Variants in ABCA7 observed in about 807,000 individuals in gnomAD.
ABCA7 encodes ATP binding cassette subfamily A member 7.
Under a neutral mutation model 227.6 loss-of-function variants are expected in ABCA7, and 261 were observed. That is an observed-to-expected ratio of 1.15 (90% CI 1.04 to 1.27). The LOEUF is 1.27. Ranked by LOEUF, ABCA7 falls within the 50% of genes most tolerant of loss-of-function variation. The probability of loss-of-function intolerance (pLI) is 0.00; values close to 1 mark genes in which losing one functional copy is unlikely to be tolerated. For missense variants in ABCA7, 3,331 were observed against 2,924.5 expected (o/e 1.14, Z -3.21); for synonymous variants, 1,488 against 1,279.7 (o/e 1.16, Z -3.47).
intron 30 of ABCA7, 123 bp downstream of exon 30, chr19:1,055,474 G>A: frequency 8.5e-7 from 1 of 1,183,080 alleles, no homozygotes; most frequent in Non-Finnish European, 1.1e-6. Flanking sequence ...CTACGGGCTG[G>A]GAGTCTCGCG....
chr19:1,044,093 C>T (rs1025956293), intron 10 of ABCA7, among the ~76,000 whole-genome samples: 4 of 150,480 alleles, frequency 2.7e-5, no homozygotes, highest in Admixed American at 6.6e-5. Context: ...CCCACCACCA[C>T]GCCCGGATGA....
Position 1,054,743 on chromosome 19 carries a change from G to C in ABCA7, c.3852-37G>C. The C allele has an allele frequency of 6.2e-7, 1 of 1,606,906 alleles. No individual in the cohort carries two copies. Among genetic ancestry groups the C allele is most frequent in the Non-Finnish European group, 8.5e-7 (1 of 1,175,146 alleles). On this transcript the variant is annotated intron_variant, in intron 28 of 46. Transcript: ENST00000263094. This position sits in a 1 kb window ranked among gnomAD's most constrained non-coding sequence, Gnocchi z 4.8. ...GTGGCAGGAAGACTAGGGACCTGGG[G>C]GTACAGCCCTGACCCTACATCTCCC...
chr19:1,064,909 G>A (rs1471213965), intron 45 of ABCA7, 22 bp from the exon 46 acceptor site: 3 of 1,554,824 alleles, frequency 1.9e-6, no homozygotes, highest in Admixed American at 1.9e-5. Flanking sequence ...CGATCCGGTA[G>A]CCCTGGCCCC....
Position 1,053,311 on chromosome 19 carries a change from A to G in ABCA7, c.3221-18A>G, listed in dbSNP as rs1568352072. 2 of 1,601,768 alleles carry G rather than the reference A, an allele frequency of 1.2e-6. No homozygotes were observed. The highest frequency in any genetic ancestry group is 3.4e-5 in the Admixed American group (2 of 59,652). ...GGCGTGAGCCGGGGCTCCCTGAAGCACCCCTTTGTCCACACAGGCACTCCT... is the reference window on the plus strand; with the variant it reads ...GGCGTGAGCCGGGGCTCCCTGAAGCGCCCCTTTGTCCACACAGGCACTCCT... On this transcript the variant is annotated intron_variant, in intron 23 of 46. Transcript: ENST00000263094.
intron 40 of ABCA7, chr19:1,059,335 GCT>G (rs2144931482): frequency 6.1e-6 from 1 of 163,370 alleles, no homozygotes; most frequent in Admixed American, 6.5e-5. Flanking sequence ...TGGGATCTCA[GCT>G]CACTGCAAGC....
intron 14 of ABCA7, 35 bp from the exon 15 acceptor site, chr19:1,047,122 G>T: frequency 6.3e-7 from 1 of 1,577,444 alleles, no homozygotes; most frequent in South Asian, 1.1e-5. Context: ...GGCCAATCCA[G>T]GAGCTGCACC....
intron 29 of ABCA7, 61 bp from the exon 30 acceptor site, chr19:1,055,036 C>A: frequency 1.3e-6 from 2 of 1,544,634 alleles, no homozygotes; most frequent in Non-Finnish European, 1.8e-6. Context: ...AAGCTGGGTG[C>A]CCACAGACCT....
rs1273705474 is a variant in ABCA7 at position 1,056,616 on chromosome 19, G to C, written c.4586+117G>C. The C allele has an allele frequency of 1.5e-6, 2 of 1,328,010 alleles. No individual in the cohort carries two copies. Among genetic ancestry groups the C allele is most frequent in the African/African-American group, 2.9e-5 (2 of 68,234 alleles). The allele number at this position is 1,328,010 out of a possible 1,614,324, so 82.3% of individuals were successfully genotyped here. A position where few individuals can be genotyped will look rare whatever the true frequency, so the allele number is the denominator to read the frequency against. The stretch of plus-strand genomic sequence containing the variant: ...CCTGACACACTCTTGCTTTATAAAT[G>C]GGGGATAGAAACTGTTCCTCTGCTC... On this transcript the variant is annotated intron_variant, in intron 33 of 46. Coordinates refer to ENST00000263094, the MANE Select transcript of ABCA7 (RefSeq NM_019112.4). This position sits in a 1 kb window ranked among gnomAD's most constrained non-coding sequence, Gnocchi z 4.3.
intron 12 of ABCA7, 109 bp downstream of exon 12, chr19:1,045,340 G>C: frequency 8.9e-7 from 1 of 1,129,456 alleles, no homozygotes. Context: ...GACAGGATCT[G>C]GGCTGTATCA....
intron 19 of ABCA7, 49 bp from the exon 20 acceptor site, chr19:1,051,106 G>T (rs370145288): frequency 5.0e-6 from 8 of 1,611,204 alleles, no homozygotes; most frequent in Middle Eastern, 1.6e-4. Context: ...GACGCCCTCT[G>T]GGACTCTGCC....
chr19:1,044,534 AC>A, intron 10 of ABCA7, 42 bp from the exon 11 acceptor site: 1 of 1,585,446 alleles, frequency 6.3e-7, no homozygotes, highest in Non-Finnish European at 8.6e-7. Context: ...GGCATGAGCC[AC>A]TGTGCCCGAC....
intron 40 of ABCA7, among the ~76,000 whole-genome samples, chr19:1,059,480 T>C (rs1285273576): frequency 1.3e-5 from 2 of 151,216 alleles, no homozygotes; most frequent in African/African-American, 2.4e-5. Flanking sequence ...TTAGCCAGGA[T>C]GGTCTCCATC....
At chr19:1,053,877 T>G in intron 25 of ABCA7, 41 bp downstream of exon 25, 1 of 1,599,232 alleles carries the variant, frequency 6.3e-7, no homozygotes, top group Non-Finnish European at 8.5e-7. Context: ...CAGTCCAGAG[T>G]GGGACCAGAG....
intron 23 of ABCA7, 46 bp downstream of exon 23, chr19:1,052,332 G>C: frequency 6.6e-7 from 1 of 1,511,486 alleles, no homozygotes; most frequent in Non-Finnish European, 8.8e-7. Context: ...CAGTGGGGTG[G>C]CTGTGCCTTA....
chr19:1,051,474 G>A lies in ABCA7; in HGVS notation c.2850G>A (p.Val950=). 1 of 1,586,488 alleles carries A rather than the reference G, an allele frequency of 6.3e-7. No individual in the cohort carries two copies. The highest frequency in any genetic ancestry group is 8.6e-7 in the Non-Finnish European group (1 of 1,164,658). Residue 950 remains valine, a synonymous_variant, in exon 21 of 47, where the codon GTG becomes GTA. Transcript: ENST00000263094. ...GTGGGATGCAACGGAAGCTGTCCGT[G>A]GCCATTGCCTTTGTGGGCGGCTCCC... The part of the protein sequence containing the change: ...LSGGMQRKLS[V]AIAFVGGSQV...
chr19:1,043,518 C>A (rs1249527202), intron 9 of ABCA7, 45 bp downstream of exon 9: 5 of 1,612,414 alleles, frequency 3.1e-6, no homozygotes, highest in Admixed American at 3.3e-5. Context: ...GTGGCCAGAG[C>A]CCATCCAGTA....
intron 42 of ABCA7, among the ~76,000 whole-genome samples, chr19:1,063,259 GC>G (rs1393404430): frequency 1.4e-5 from 1 of 71,632 alleles, no homozygotes; most frequent in African/African-American, 5.7e-5. Flanking sequence ...CCATGGCCCC[GC>G]CCCATACTCA....
rs367970821 is a variant in ABCA7 at position 1,057,104 on chromosome 19, G to A, written c.4764+20G>A. 1.2e-4 allele frequency: 191 copies of A among 1,603,586 alleles called. No homozygotes were observed. Among genetic ancestry groups the A allele is most frequent in the Middle Eastern group, 1.7e-4 (1 of 5,996 alleles). On this transcript the variant is annotated intron_variant, in intron 34 of 46. Transcript: ENST00000263094. ...GACATGGTGCGGGGGCTGCTTGGAC[G>A]GGTGGGGGCCCAGCCACTGCTTGCC...
Position 1,051,979 on chromosome 19 carries a change from G to A in ABCA7, c.3000G>A (p.Glu1000=), listed in dbSNP as rs1459585748. ...TCCTCTCCACCCACCACCTGGATGA[G>A]GCAGAGCTGCTGGGAGACCGTGTGG... ...TLILSTHHLD[E]AELLGDRVAV... The change falls in exon 22 of 47, where the codon GAG becomes GAA. Residue 1000 remains glutamate, a synonymous_variant. Coordinates refer to ENST00000263094, the MANE Select transcript of ABCA7 (RefSeq NM_019112.4). The A allele has an allele frequency of 3.1e-6, 5 of 1,612,160 alleles. No homozygotes were observed. In the South Asian group the frequency reaches 3.3e-5, roughly 11 times the overall value.
Sources: allele counts gnomAD v4.1 joint callset (sites outside exome capture counted in the v4.1 genomes callset), GRCh38; gene constraint gnomAD v4.1.1; non-coding constraint Gnocchi (gnomAD v3.1); transcripts MANE v1.5; gene names NCBI Gene and HGNC (gene_info 2026-07-23, HGNC 2026-07-21).